The following INTS6 variants were observed in gnomAD, a reference collection of about 807,000 sequenced individuals.
INTS6 encodes DEAD box protein.
A neutral mutation model predicts 104.9 loss-of-function variants in INTS6; 16 were observed. That is an observed-to-expected ratio of 0.15 (90% confidence interval 0.10 to 0.23). INTS6 has a LOEUF of 0.23. INTS6 is among the 10% of genes least tolerant of loss of function. The pLI is 1.00. For synonymous variants in INTS6, 324 were observed against 358.7 expected (o/e 0.90, Z 1.09); for missense variants, 584 against 1,062.8 (o/e 0.55, Z 6.26).
At chr13:51,392,204 TA>T (rs1956256103) in intron 5 of INTS6, among the ~76,000 whole-genome samples, 1 of 152,188 alleles carries the variant, frequency 6.6e-6, no homozygotes, top group Admixed American at 6.5e-5. Flanking sequence ...TCACCTCCCG[TA>T]AAAAGCCTTC....
At chr13:51,359,403 C>A (rs1185335621), downstream of INTS6, among the ~76,000 whole-genome samples, 2 of 152,080 alleles carry the variant, frequency 1.3e-5, no homozygotes, top group Non-Finnish European at 2.9e-5. Context: ...TTAAAAGATG[C>A]TGATGCTGGG....
chr13:51,421,112 C>T (rs1400917636), intron 4 of INTS6: 32 of 985,332 alleles, frequency 3.2e-5, no homozygotes, highest in Non-Finnish European at 3.7e-5. Flanking sequence ...CTCTGCTCAC[C>T]TTTAAGGCTT....
intron 4 of INTS6, among the ~76,000 whole-genome samples, chr13:51,416,601 A>C (rs1463359471): frequency 6.6e-6 from 1 of 152,194 alleles, no homozygotes; most frequent in Non-Finnish European, 1.5e-5. Context: ...TGGATGTATC[A>C]TATTTTGTTT....
At chr13:51,343,599 C>G in the INTS6 span, among the ~76,000 whole-genome samples, 1 of 152,232 alleles carries the variant, frequency 6.6e-6, no homozygotes, top group Non-Finnish European at 1.5e-5. Flanking sequence ...TTCTTGCAGC[C>G]TTTCACTGAC....
At chr13:51,388,260 C>G (rs1184867821) in intron 6 of INTS6, among the ~76,000 whole-genome samples, 1 of 151,366 alleles carries the variant, frequency 6.6e-6, no homozygotes, top group East Asian at 1.9e-4. Flanking sequence ...TCTCAGTGCC[C>G]CCATTCTTTC....
chr13:51,338,473 GGAT>G, the INTS6 span, among the ~76,000 whole-genome samples: 4 of 152,016 alleles, frequency 2.6e-5, no homozygotes, highest in Non-Finnish European at 5.9e-5. Flanking sequence ...ATGGATGGAT[GGAT>G]GGATGGATGG....
chr13:51,427,027 C>A (rs1032168811), intron 4 of INTS6, among the ~76,000 whole-genome samples: 3 of 151,988 alleles, frequency 2.0e-5, no homozygotes, highest in African/African-American at 7.3e-5. Flanking sequence ...TCTATATTTC[C>A]TCATATGATA....
intron 13 of INTS6, among the ~76,000 whole-genome samples, chr13:51,375,664 C>T (rs986675607): frequency 1.1e-4 from 17 of 151,830 alleles, no homozygotes; most frequent in Non-Finnish European, 2.2e-4. Flanking sequence ...CCATCAGATA[C>T]TGGTATTATC....
At chr13:51,359,910 TAAATC>T (rs922454224), downstream of INTS6, among the ~76,000 whole-genome samples, 3 of 152,078 alleles carry the variant, frequency 2.0e-5, no homozygotes, top group Non-Finnish European at 2.9e-5. Flanking sequence ...ACTGCTAAAA[TAAATC>T]AAATTCTTTG....
chr13:51,364,925 T>C lies in INTS6; in HGVS notation c.*827A>G, dbSNP rs573365295. 3 of 152,378 alleles carry C rather than the reference T, an allele frequency of 2.0e-5. No individual in the cohort carries two copies. The highest frequency in any genetic ancestry group is 4.4e-5 in the Non-Finnish European group (3 of 67,980). The allele number at this position is 152,378 out of a possible 1,614,324, so 9.4% of individuals were successfully genotyped here. A position where few individuals can be genotyped will look rare whatever the true frequency, so the allele number is the denominator to read the frequency against. ...GGTGTTGAAGTAAGGAAACCAATAATATCCAAAGTTGTTTGCTTTTTAAAT... is the reference window on the plus strand; with the variant it reads ...GGTGTTGAAGTAAGGAAACCAATAACATCCAAAGTTGTTTGCTTTTTAAAT... On this transcript the variant is annotated 3_prime_UTR_variant, in exon 18 of 18. Coordinates refer to ENST00000311234, the MANE Select transcript of INTS6 (RefSeq NM_012141.3).
intron 15 of INTS6, among the ~76,000 whole-genome samples, chr13:51,373,180 T>G (rs1955846988): frequency 6.6e-6 from 1 of 151,620 alleles, no homozygotes; most frequent in African/African-American, 2.4e-5. Flanking sequence ...TTGATTACAT[T>G]GATGTTCAAT....
chr13:51,354,057 C>G (rs1372809104), downstream of INTS6: 1 of 152,114 alleles, frequency 6.6e-6, no homozygotes, highest in East Asian at 1.9e-4. Flanking sequence ...GCTCCAAAGG[C>G]ATAAAGTGCA....
intron 13 of INTS6, among the ~76,000 whole-genome samples, 193 bp downstream of exon 13, chr13:51,375,855 T>C (rs958849372): frequency 3.3e-5 from 5 of 151,960 alleles, no homozygotes; most frequent in Non-Finnish European, 7.4e-5. Flanking sequence ...GGAAGAGAAT[T>C]TGGGGCAACA....
At chr13:51,449,026 GA>G (rs1342430318) in intron 3 of INTS6, 1 of 152,124 alleles carries the variant, frequency 6.6e-6, no homozygotes, top group African/African-American at 2.4e-5. Context: ...TAGAAAACAT[GA>G]AATGTTTAAA....
At chr13:51,404,103 C>CACAGAGAGAG (rs1491389220) in intron 4 of INTS6, among the ~76,000 whole-genome samples, 2 of 103,970 alleles carry the variant, frequency 1.9e-5, no homozygotes, top group Admixed American at 9.3e-5. Context: ...CACACACACA[C>CACAGAGAGAG]AGAGAGAGAG....
chr13:51,378,227 C>T lies in INTS6; in HGVS notation c.1602+12G>A. ...AACATAACTAGAGTAGCACTAAATTCATGATTATTACCTTATTCAGCAAAG... is the reference window on the plus strand; with the variant it reads ...AACATAACTAGAGTAGCACTAAATTTATGATTATTACCTTATTCAGCAAAG... On this transcript the variant is annotated intron_variant, in intron 12 of 17. Coordinates refer to ENST00000311234, the MANE Select transcript of INTS6 (RefSeq NM_012141.3). 3 of 1,583,262 alleles carry T rather than the reference C, an allele frequency of 1.9e-6. No individual in the cohort carries two copies. The highest frequency in any genetic ancestry group is 2.6e-6 in the Non-Finnish European group (3 of 1,152,406).
chr13:51,392,289 T>A lies in INTS6; in HGVS notation c.614-2845A>T, dbSNP rs111797614. Among the ~76,000 whole-genome samples the A allele has an allele frequency of 2.6e-5, 4 of 152,196 alleles. No homozygotes were observed. The East Asian group carries it at 5.8e-4, about 22-fold the overall frequency. On this transcript the variant is annotated intron_variant, in intron 5 of 17. Transcript: ENST00000311234. ...CTAAAGAGCCATTCAATATTTGGCC[T>A]CTGCCTACCCTCTAAACCTAGCTAT...
chr13:51,430,363 C>T lies in INTS6; in HGVS notation c.360G>A (p.Leu120=). The change falls in exon 4 of 18, where the codon TTG becomes TTA. Residue 120 remains leucine (L), a synonymous_variant. Coordinates refer to ENST00000311234, the MANE Select transcript of INTS6 (RefSeq NM_012141.3). Reference sequence around the variant, plus strand: ...TAATTGTGATAATTATTGCTGGCTCCAAGAAAAAAGGGTTTCTTCCCTAAA... The same window carrying T: ...TAATTGTGATAATTATTGCTGGCTCTAAGAAAAAAGGGTTTCTTCCCTAAA... ...NYGQGRNPFF[L]EPAIIITITD... 1.2e-6 allele frequency: 2 copies of T among 1,603,740 alleles called. No individual in the cohort carries two copies. Among genetic ancestry groups the T allele is most frequent in the Non-Finnish European group, 1.7e-6 (2 of 1,177,062 alleles).
chr13:51,372,878 T>C (rs1955838340), intron 15 of INTS6, among the ~76,000 whole-genome samples: 2 of 152,194 alleles, frequency 1.3e-5, no homozygotes, highest in African/African-American at 4.8e-5. Flanking sequence ...TAACATCAAA[T>C]ATACAGTCAG....
Sources: gnomAD v4.1 joint callset for allele counts (sites outside exome capture counted in the v4.1 genomes callset) on GRCh38, gnomAD v4.1.1 for gene constraint, MANE v1.5 for transcripts, NCBI Gene and HGNC (gene_info 2026-07-23, HGNC 2026-07-21) for gene names.